Variants in TMEM230 observed in about 807,000 individuals in gnomAD.
TMEM230 encodes the protein transmembrane protein 230, also known as UPF0414 transmembrane protein C20orf30.
In TMEM230, 10 loss-of-function variants were observed where a neutral mutation model predicts 15.8. That is an observed-to-expected ratio of 0.63 (90% CI 0.39 to 1.07). TMEM230 has a LOEUF of 1.07. TMEM230 is among the 50% of genes least tolerant of loss of function. The probability of loss-of-function intolerance (pLI) is 0.01; values close to 1 mark genes in which losing one functional copy is unlikely to be tolerated. For synonymous variants in TMEM230, 67 were observed against 76.9 expected (o/e 0.87, Z 0.68); for missense variants, 165 against 193.3 (o/e 0.85, Z 0.87).
chr20:5,093,520 C>A (rs2089571718), intron 3 of TMEM230, among the ~76,000 whole-genome samples: 1 of 151,336 alleles, frequency 6.6e-6, no homozygotes, highest in South Asian at 2.1e-4. Flanking sequence ...GGGTTACAGG[C>A]ATGAGCCACT....
chr20:5,103,820 T>C (rs1247872347), intron 4 of TMEM230, among the ~76,000 whole-genome samples: 1 of 152,098 alleles, frequency 6.6e-6, no homozygotes, highest in Non-Finnish European at 1.5e-5. Context: ...ATGTAAGACC[T>C]AAAACTATGA....
At chr20:5,110,212 A>G (rs1387571575) in intron 2 of TMEM230, among the ~76,000 whole-genome samples, 1 of 151,528 alleles carries the variant, frequency 6.6e-6, no homozygotes, top group African/African-American at 2.4e-5. Flanking sequence ...ATGCACCACC[A>G]TGCCTAGTTA....
the TMEM230 span, among the ~76,000 whole-genome samples, chr20:5,060,834 G>A: frequency 6.6e-6 from 1 of 152,086 alleles, no homozygotes; most frequent in African/African-American, 2.4e-5. Context: ...TCTATCCATG[G>A]GTCTTGGTGC....
At chr20:5,060,052 A>G in the TMEM230 span, among the ~76,000 whole-genome samples, 1 of 152,020 alleles carries the variant, frequency 6.6e-6, no homozygotes, top group Admixed American at 6.6e-5. Flanking sequence ...GATTACAGGC[A>G]TGAGCTACTG....
chr20:5,090,522 C>T (rs561433241), intron 3 of TMEM230, among the ~76,000 whole-genome samples: 4 of 152,130 alleles, frequency 2.6e-5, no homozygotes, highest in South Asian at 2.1e-4. Context: ...TCAGATGAAA[C>T]GGATGGGAGA....
intron 3 of TMEM230, among the ~76,000 whole-genome samples, chr20:5,092,340 T>C (rs1368839184): frequency 1.3e-5 from 2 of 152,132 alleles, no homozygotes; most frequent in Non-Finnish European, 2.9e-5. Flanking sequence ...GTGGTTTCAC[T>C]CCCCATTAAA....
rs912931135 is a variant in TMEM230, at chr20:5,076,246, A to G, written c.223-6897T>C. Among the ~76,000 whole-genome samples, 4 of 152,240 alleles carry G rather than the reference A, an allele frequency of 2.6e-5. No individual in the cohort carries two copies. In the East Asian group the frequency reaches 5.8e-4, roughly 22 times the overall value. On this transcript the variant is annotated intron_variant, in intron 3 of 3. Transcript: ENST00000612323. ...TGATGCAGTGACTTGAGAGGCAAGC[A>G]TTAAATGTTGTTGGCTGGGCATGGT...
chr20:5,086,230 TAAAAA>T (rs570691228), intron 3 of TMEM230, among the ~76,000 whole-genome samples: 4 of 123,012 alleles, frequency 3.3e-5, no homozygotes, highest in East Asian at 4.7e-4. Context: ...TCATTTCTAT[TAAAAA>T]AAAAAAAAAA....
intron 3 of TMEM230, among the ~76,000 whole-genome samples, chr20:5,108,870 C>T (rs1476214163): frequency 6.6e-6 from 1 of 152,090 alleles, no homozygotes; most frequent in South Asian, 2.1e-4. Context: ...CTCATGACAT[C>T]AGGAAAGAAG....
In TMEM230 at chr20:5,100,094, G is replaced by A. The variant is rs576240950; in HGVS notation, c.*697C>T. The A allele has an allele frequency of 3.2e-5, 32 of 985,310 alleles. No individual in the cohort carries two copies. In the South Asian group the frequency reaches 9.4e-4, roughly 29 times the overall value. The allele number at this position is 985,310 out of a possible 1,614,324, so 61.0% of individuals were successfully genotyped here. On this transcript the variant is annotated 3_prime_UTR_variant, in exon 5 of 5. Transcript: ENST00000342308. ...TTCATTAGGAAACAGCCAAAAGTCC[G>A]GCCGTTAAAGGAATAATCTGCAGAA...
At chr20:5,081,568 C>T (rs2089175320) in intron 3 of TMEM230, among the ~76,000 whole-genome samples, 1 of 152,084 alleles carries the variant, frequency 6.6e-6, no homozygotes, top group Non-Finnish European at 1.5e-5. Context: ...TCCCACATGC[C>T]CAAATGGGGT....
At chr20:5,111,873 G>C in intron 1 of TMEM230, 1 of 758,650 alleles carries the variant, frequency 1.3e-6, no homozygotes, top group Non-Finnish European at 1.6e-6. Context: ...TTGAGACGGA[G>C]TCTCGCTCTG....
rs1354986375 is a variant in TMEM230 at position 5,069,226 on chromosome 20, G to A, written c.346C>T (p.Pro116Ser). The A allele has an allele frequency of 4.6e-6, 7 of 1,535,520 alleles. No homozygotes were observed. In the Admixed American group the frequency reaches 1.4e-4, roughly 30 times the overall value. ...GACACCTGTGTTCCTCTTCCTTCTG[G>A]AAGCCTTGAGCTGAGTCCTCCTTCG... The change falls in exon 4 of 4, where the codon CCA becomes TCA. Residue 116 changes from proline (P) to serine (S), a missense_variant. Transcript: ENST00000612323.
chr20:5,061,111 T>A, the TMEM230 span: 1 of 152,354 alleles, frequency 6.6e-6, no homozygotes, highest in Non-Finnish European at 1.5e-5. Context: ...CTATCAAAAA[T>A]ATGAAGACAT....
intron 3 of TMEM230, 65 bp from the exon 3 acceptor site, chr20:5,106,375 AT>A: frequency 6.7e-7 from 1 of 1,503,518 alleles, no homozygotes; most frequent in Non-Finnish European, 8.9e-7. Context: ...GGGTTCAAAC[AT>A]TTAATTAATT....
intron 2 of TMEM230, among the ~76,000 whole-genome samples, chr20:5,110,281 A>C (rs1274617390): frequency 6.7e-6 from 1 of 149,020 alleles, no homozygotes; most frequent in Non-Finnish European, 1.5e-5. Flanking sequence ...GCTGGTCTTG[A>C]ACTCAGTTTT....
Position 5,076,471 on chromosome 20 carries a change from G to A in TMEM230, c.223-7122C>T, listed in dbSNP as rs535669690. 2.6e-5 allele frequency among the ~76,000 whole-genome samples: 4 copies of A among 152,072 alleles called. 1 individual carries two copies. The highest frequency in any genetic ancestry group is 2.6e-4 in the Admixed American group (4 of 15,274). On this transcript the variant is annotated intron_variant, in intron 3 of 3. Coordinates refer to the TMEM230 transcript ENST00000612323. ...CAGGAGAATCACTTGCACCCATGAG[G>A]TGGAGGTTGCAGTGAGCTGAGAGCG...
intron 3 of TMEM230, among the ~76,000 whole-genome samples, chr20:5,094,698 C>A (rs536872565): frequency 1.8e-5 from 2 of 113,326 alleles, no homozygotes; most frequent in South Asian, 7.5e-4. Flanking sequence ...GAGCTAGACT[C>A]CATCTCAAAA....
intron 4 of TMEM230, among the ~76,000 whole-genome samples, chr20:5,104,358 C>A (rs2089987372): frequency 6.6e-6 from 1 of 152,174 alleles, no homozygotes; most frequent in Non-Finnish European, 1.5e-5. Context: ...CTGCACCCAG[C>A]CAAAATGGCT....
Sources: allele counts gnomAD v4.1 joint callset (sites outside exome capture counted in the v4.1 genomes callset), GRCh38; gene constraint gnomAD v4.1.1; transcripts MANE v1.5; gene names NCBI Gene and HGNC (gene_info 2026-07-23, HGNC 2026-07-21).